Variants in LEF1 observed in about 807,000 individuals in gnomAD.
The protein encoded by LEF1 is lymphoid enhancer binding factor 1.
In LEF1, 14 loss-of-function variants were observed where a neutral mutation model predicts 51.2. The observed-to-expected ratio is 0.27, with a 90% confidence interval of 0.18 to 0.43. The LOEUF (loss-of-function observed/expected upper bound fraction) is 0.43, where lower values mean the gene tolerates loss of function less well. LEF1 is among the 20% of genes least tolerant of loss of function. The pLI is 1.00. For missense variants in LEF1, 386 were observed against 512.0 expected, an observed-to-expected ratio of 0.75 and a Z score of 2.37; for synonymous variants, 185 against 183.2, an observed-to-expected ratio of 1.01 and a Z score of -0.08.
Position 108,092,939 on chromosome 4 carries a change from A to AAAAAAAAAAAAAAAAAAC in LEF1, c.415-3683_415-3682insGTTTTTTTTTTTTTTTTT, listed in dbSNP as rs1553952202. Among the ~76,000 whole-genome samples the AAAAAAAAAAAAAAAAAAC allele has an allele frequency of 5.8e-4, 53 of 90,710 alleles. 2 individuals are homozygous for AAAAAAAAAAAAAAAAAAC. The highest frequency in any genetic ancestry group is 6.0e-4 in the Non-Finnish European group (27 of 44,960). The allele number at this position is 90,710 out of a possible 152,430, so 59.5% of individuals were successfully genotyped here. A position where few individuals can be genotyped will look rare whatever the true frequency, so the allele number is the denominator to read the frequency against. ...ATGTAAAAAAAAAAAAAAAAAAAAA[A>AAAAAAAAAAAAAAAAAAC]AAAAAAAAAAGACAAGCAAAATCTG... On this transcript the variant is annotated intron_variant, in intron 3 of 11. Coordinates refer to ENST00000265165, the MANE Select transcript of LEF1 (RefSeq NM_016269.5).
chr4:108,124,843 A>T (rs752583522), intron 3 of LEF1, among the ~76,000 whole-genome samples: 2 of 152,134 alleles, frequency 1.3e-5, no homozygotes, highest in Non-Finnish European at 2.9e-5. Context: ...GTCAACTTGG[A>T]CCTAGGACTA....
chr4:108,087,952 G>T (rs1739758492), intron 4 of LEF1, among the ~76,000 whole-genome samples: 1 of 152,150 alleles, frequency 6.6e-6, no homozygotes, highest in Non-Finnish European at 1.5e-5. Context: ...TTTGTTGGAG[G>T]CTCTTGATTA....
rs1264436196 is a variant in LEF1 at position 108,167,670 on chromosome 4, T to C, written c.98A>G (p.Gln33Arg). 7 of 1,614,070 alleles carry C rather than the reference T, an allele frequency of 4.3e-6. No individual in the cohort carries two copies. The highest frequency in any genetic ancestry group is 5.9e-6 in the Non-Finnish European group (7 of 1,180,028). Reference sequence around the variant, plus strand: ...GATCTCGGCGAAGATCTTTTCCTTCTGAGGATCGCCCTCGTCCTTGAAGGG... The same window carrying C: ...GATCTCGGCGAAGATCTTTTCCTTCCGAGGATCGCCCTCGTCCTTGAAGGG... ...MIPFKDEGDP[Q>R]KEKIFAEISH... is the part of the protein sequence containing the mutation. The change falls in exon 1 of 12, where the codon CAG becomes CGG. Residue 33 changes from glutamine (Q) to arginine (R), a missense_variant. By Grantham distance (43) the Gln-to-Arg change is conservative. Around this residue, in one of 2 missense-constraint regions of LEF1, gnomAD observed 335 missense variants for 390.7 expected, o/e 0.86. Coordinates refer to ENST00000265165, the MANE Select transcript of LEF1 (RefSeq NM_016269.5). The surrounding 1 kb of genome is among the most constrained non-coding windows in gnomAD (Gnocchi z 5.7).
At chr4:108,101,195 T>C (rs2110294267) in intron 3 of LEF1, among the ~76,000 whole-genome samples, 1 of 152,282 alleles carries the variant, frequency 6.6e-6, no homozygotes, top group Non-Finnish European at 1.5e-5. Flanking sequence ...ATGTAAAACG[T>C]TTGATGTGAT....
intron 4 of LEF1, among the ~76,000 whole-genome samples, chr4:108,086,781 A>G (rs2110261685): frequency 6.7e-6 from 1 of 150,048 alleles, no homozygotes; most frequent in African/African-American, 2.4e-5. Flanking sequence ...TACCAGACAC[A>G]TAATGAGAAA....
intron 3 of LEF1, among the ~76,000 whole-genome samples, chr4:108,125,649 T>C (rs1386839065): frequency 1.3e-5 from 2 of 152,184 alleles, no homozygotes; most frequent in African/African-American, 2.4e-5. Flanking sequence ...TTTATGATAT[T>C]ACAGGGATTT....
intron 3 of LEF1, among the ~76,000 whole-genome samples, chr4:108,161,542 C>A (rs573702157): frequency 1.3e-5 from 2 of 152,232 alleles, no homozygotes; most frequent in South Asian, 4.1e-4. Flanking sequence ...ACAATAAATA[C>A]CTTCTATCAA....
intron 3 of LEF1, among the ~76,000 whole-genome samples, chr4:108,123,314 G>A (rs1175400404): frequency 6.6e-6 from 1 of 152,026 alleles, no homozygotes; most frequent in African/African-American, 2.4e-5. Context: ...CTTCTAGTCA[G>A]TGACAGCACT....
At chr4:108,073,151 T>C (rs931627767) in intron 8 of LEF1, among the ~76,000 whole-genome samples, 3 of 152,194 alleles carry the variant, frequency 2.0e-5, no homozygotes, top group African/African-American at 7.2e-5. Context: ...TTTGGGAGGC[T>C]GAGGCACACA....
chr4:108,145,168 T>TA (rs1193918196), intron 3 of LEF1, among the ~76,000 whole-genome samples: 1 of 152,198 alleles, frequency 6.6e-6, no homozygotes, highest in Non-Finnish European at 1.5e-5. Context: ...ATATTTAACA[T>TA]ACAAATTGCC....
intron 3 of LEF1, among the ~76,000 whole-genome samples, chr4:108,144,078 G>A (rs190817110): frequency 3.3e-5 from 5 of 152,228 alleles, no homozygotes; most frequent in South Asian, 2.1e-4. Context: ...GAAGCAAGCC[G>A]GTTGAGGAGC....
intron 3 of LEF1, among the ~76,000 whole-genome samples, chr4:108,141,543 G>T (rs1026864716): frequency 2.0e-5 from 3 of 152,150 alleles, no homozygotes; most frequent in Admixed American, 2.0e-4. Flanking sequence ...AATTGTTTCT[G>T]CACAGTGATT....
intron 9 of LEF1, among the ~76,000 whole-genome samples, chr4:108,069,533 C>T (rs781514229): frequency 3.0e-4 from 45 of 151,968 alleles, no homozygotes; most frequent in Non-Finnish European, 1.2e-4. Flanking sequence ...TGCTGGGGTA[C>T]GATAACATGA....
At chr4:108,166,418 T>C in intron 1 of LEF1, 29 of 1,418,334 alleles carry the variant, frequency 2.0e-5, no homozygotes, top group Non-Finnish European at 2.6e-5. Flanking sequence ...ATCCTCCAAG[T>C]TTCTTTGGAG....
chr4:108,085,842 C>T (rs1737251748), intron 4 of LEF1, among the ~76,000 whole-genome samples: 1 of 152,198 alleles, frequency 6.6e-6, no homozygotes, highest in South Asian at 2.1e-4. Context: ...GGATGCTCTT[C>T]ATTTTGTTTT....
At chr4:108,133,552 A>C (rs1215845392) in intron 3 of LEF1, among the ~76,000 whole-genome samples, 2 of 151,858 alleles carry the variant, frequency 1.3e-5, no homozygotes, top group Non-Finnish European at 2.9e-5. Flanking sequence ...TATGTCCTTT[A>C]AAAAAAAATT....
chr4:108,058,683 G>A (rs1344514985), intron 11 of LEF1, among the ~76,000 whole-genome samples: 1 of 152,142 alleles, frequency 6.6e-6, no homozygotes, highest in African/African-American at 2.4e-5. Flanking sequence ...GGCACAGCAT[G>A]CCACTTCTTC....
intron 9 of LEF1, among the ~76,000 whole-genome samples, chr4:108,069,514 T>C (rs2107030): frequency 0.85 from 128,733 of 152,194 alleles, 55,599 homozygotes; most frequent in East Asian, 0.97. Flanking sequence ...GAATAGAATA[T>C]GTGATAGATG....
intron 3 of LEF1, among the ~76,000 whole-genome samples, chr4:108,099,477 G>A (rs1176186143): frequency 1.3e-5 from 2 of 149,458 alleles, no homozygotes; most frequent in African/African-American, 2.5e-5. Context: ...CCCATACTGA[G>A]AGTCAAGTCT....
Sources: allele counts gnomAD v4.1 joint callset (sites outside exome capture counted in the v4.1 genomes callset), GRCh38; gene constraint gnomAD v4.1.1; regional missense constraint gnomAD v4.1.1; non-coding constraint Gnocchi (gnomAD v3.1); transcripts MANE v1.5; gene names NCBI Gene and HGNC (gene_info 2026-07-23, HGNC 2026-07-21).